The following SKAP1 variants were observed in gnomAD, a reference collection of about 807,000 sequenced individuals.
SKAP1 encodes the protein src kinase-associated phosphoprotein 1.
A neutral mutation model predicts 58.5 loss-of-function variants in SKAP1; 44 were observed. The observed-to-expected ratio is 0.75, with a 90% CI of 0.59 to 0.97. The LOEUF (loss-of-function observed/expected upper bound fraction) is 0.97. Among genes scored for constraint, SKAP1 ranks in the 50% least tolerant of loss-of-function variants. The pLI, the probability that SKAP1 is intolerant of heterozygous loss-of-function variation, is 0.00. For synonymous variants in SKAP1, 127 were observed against 149.7 expected, an observed-to-expected ratio of 0.85 and a Z score of 1.11; for missense variants, 390 against 435.2, an observed-to-expected ratio of 0.90 and a Z score of 0.92.
At chr17:48,357,264 C>CT (rs2066886487) in intron 3 of SKAP1, among the ~76,000 whole-genome samples, 1 of 151,880 alleles carries the variant, frequency 6.6e-6, no homozygotes, top group Admixed American at 6.6e-5. Flanking sequence ...ATAGGAAGGA[C>CT]TTTTAGAAAG....
chr17:48,215,753 A>C (rs1244529730), intron 4 of SKAP1, among the ~76,000 whole-genome samples: 1 of 152,074 alleles, frequency 6.6e-6, no homozygotes, highest in East Asian at 1.9e-4. Context: ...GGGAAGCTGC[A>C]GTTCAGATAA....
intron 11 of SKAP1, among the ~76,000 whole-genome samples, chr17:48,151,672 T>G (rs953435787): frequency 3.9e-5 from 6 of 152,210 alleles, no homozygotes; most frequent in African/African-American, 7.2e-5. Context: ...TTCTCCTTTG[T>G]TTAATAGTTA....
At chr17:48,271,103 TA>T (rs2065626656) in intron 4 of SKAP1, among the ~76,000 whole-genome samples, 1 of 152,024 alleles carries the variant, frequency 6.6e-6, no homozygotes, top group African/African-American at 2.4e-5. Context: ...AAAATAGGAA[TA>T]AACTCCTATT....
At chr17:48,363,539 A>G (rs1389356123) in intron 3 of SKAP1, among the ~76,000 whole-genome samples, 2 of 152,270 alleles carry the variant, frequency 1.3e-5, no homozygotes, top group Non-Finnish European at 2.9e-5. Flanking sequence ...GAATTAAAGC[A>G]TATTATAGCC....
chr17:48,404,671 G>T (rs182558957), intron 1 of SKAP1, among the ~76,000 whole-genome samples: 84 of 151,780 alleles, frequency 5.5e-4, no homozygotes, highest in African/African-American at 2.0e-3. Context: ...AGAATTAAAG[G>T]TTTTTAAAAT....
chr17:48,160,137 T>A (rs1314586430), intron 11 of SKAP1, among the ~76,000 whole-genome samples: 1 of 152,158 alleles, frequency 6.6e-6, no homozygotes, highest in South Asian at 2.1e-4. Flanking sequence ...CTTCTTTTTT[T>A]CTTTTTGGAG....
At chr17:48,301,547 G>A (rs2066057052) in intron 4 of SKAP1, among the ~76,000 whole-genome samples, 3 of 151,938 alleles carry the variant, frequency 2.0e-5, no homozygotes, top group Admixed American at 2.0e-4. Flanking sequence ...TGCAACCTCC[G>A]TCTCCTGGGT....
intron 1 of SKAP1, among the ~76,000 whole-genome samples, chr17:48,401,947 C>T (rs189268415): frequency 6.6e-6 from 1 of 152,028 alleles, no homozygotes; most frequent in Non-Finnish European, 1.5e-5. Flanking sequence ...AATAGCCCAA[C>T]TGAAAAATGA....
chr17:48,190,669 T>A (rs539321522), intron 4 of SKAP1, among the ~76,000 whole-genome samples: 3 of 152,274 alleles, frequency 2.0e-5, no homozygotes, highest in African/African-American at 7.2e-5. Flanking sequence ...TAGCAATAAC[T>A]GTCAAATCCT....
At chr17:48,423,410 A>T (rs928769464) in intron 1 of SKAP1, among the ~76,000 whole-genome samples, 9 of 152,186 alleles carry the variant, frequency 5.9e-5, no homozygotes, top group Non-Finnish European at 1.0e-4. Context: ...AGGGAGACAC[A>T]TTCTCAGACA....
chr17:48,240,888 G>T (rs1020251464), intron 4 of SKAP1, among the ~76,000 whole-genome samples: 7 of 152,190 alleles, frequency 4.6e-5, no homozygotes, highest in Non-Finnish European at 1.0e-4. Context: ...CTTGGGTCAG[G>T]TAAAGCTCAA....
chr17:48,293,648 C>T (rs1045073070), intron 4 of SKAP1, among the ~76,000 whole-genome samples: 4 of 152,150 alleles, frequency 2.6e-5, no homozygotes, highest in Admixed American at 2.6e-4. Context: ...GCTTTTAAAA[C>T]GTAATAATGA....
chr17:48,372,661 G>C (rs1217085545), intron 2 of SKAP1, among the ~76,000 whole-genome samples: 1 of 151,880 alleles, frequency 6.6e-6, no homozygotes, highest in African/African-American at 2.4e-5. Flanking sequence ...ATTTTTTTAA[G>C]ACAAGGTTGC....
intron 4 of SKAP1, among the ~76,000 whole-genome samples, chr17:48,220,216 C>A (rs1206805052): frequency 6.6e-6 from 1 of 152,100 alleles, no homozygotes; most frequent in Non-Finnish European, 1.5e-5. Flanking sequence ...AACAGAAATG[C>A]CAACATAGTG....
intron 4 of SKAP1, among the ~76,000 whole-genome samples, chr17:48,205,202 C>T (rs1445712339): frequency 1.3e-5 from 2 of 151,502 alleles, no homozygotes; most frequent in African/African-American, 4.9e-5. Flanking sequence ...CTCCACCTCC[C>T]AGGCTTAAGC....
chr17:48,289,569 T>C (rs1175480423), intron 4 of SKAP1, among the ~76,000 whole-genome samples: 1 of 152,164 alleles, frequency 6.6e-6, no homozygotes, highest in Non-Finnish European at 1.5e-5. Flanking sequence ...GAAGTATAAA[T>C]TTTTAGGCTC....
intron 11 of SKAP1, among the ~76,000 whole-genome samples, chr17:48,141,419 C>T (rs999916515): frequency 6.6e-6 from 1 of 151,652 alleles, no homozygotes; most frequent in African/African-American, 2.4e-5. Context: ...GCCCCTGTTG[C>T]CCAGTCTGGA....
intron 3 of SKAP1, among the ~76,000 whole-genome samples, chr17:48,349,874 T>C (rs138723740): frequency 6.6e-6 from 1 of 152,316 alleles, no homozygotes; most frequent in African/African-American, 2.4e-5. Context: ...TCCCTGTGTT[T>C]TCATTAACAG....
chr17:48,311,657 C>T (rs2066226141), intron 4 of SKAP1, among the ~76,000 whole-genome samples: 1 of 152,152 alleles, frequency 6.6e-6, no homozygotes, highest in South Asian at 2.1e-4. Flanking sequence ...GTGTGAACTG[C>T]CCCTGCCCTT....
Sources: allele counts gnomAD v4.1 joint callset (sites outside exome capture counted in the v4.1 genomes callset), GRCh38; gene constraint gnomAD v4.1.1; transcripts MANE v1.5; gene names NCBI Gene and HGNC (gene_info 2026-07-23, HGNC 2026-07-21).